FA2H: variants seen among roughly 807,000 people sequenced by gnomAD.
FA2H encodes the protein fatty acid 2-hydroxylase.
A neutral mutation model predicts 44.9 loss-of-function variants in FA2H; 22 were observed. That is an observed-to-expected ratio of 0.49 (90% CI 0.35 to 0.70). The LOEUF (loss-of-function observed/expected upper bound fraction) is 0.70. Ranked by LOEUF, FA2H falls within the 30% of genes least tolerant of loss-of-function variation. FA2H has a pLI of 0.01. For missense variants in FA2H, 501 were observed against 504.9 expected (o/e 0.99, Z 0.07); for synonymous variants, 243 against 213.2 (o/e 1.14, Z -1.22).
intron 2 of FA2H, among the ~76,000 whole-genome samples, chr16:74,737,250 A>G (rs1281911455): frequency 1.3e-5 from 2 of 152,180 alleles, no homozygotes; most frequent in Non-Finnish European, 2.9e-5. Flanking sequence ...ACGTGTGTCC[A>G]GGAGCTGAGA....
intron 5 of FA2H, among the ~76,000 whole-genome samples, chr16:74,718,312 G>C (rs34130324): frequency 0.079 from 12,006 of 152,156 alleles, 614 homozygotes; most frequent in Non-Finnish European, 0.12. Context: ...AGACGGGCTG[G>C]GGAACAGCCT....
At chr16:74,769,168 T>C (rs539713511) in intron 1 of FA2H, among the ~76,000 whole-genome samples, 3 of 152,284 alleles carry the variant, frequency 2.0e-5, no homozygotes, top group African/African-American at 4.8e-5. Flanking sequence ...TCACAGCTTA[T>C]TGCAGGCTCA....
rs13329747 is a variant in FA2H at position 74,734,085 on chromosome 16, G to T, written c.363+5938C>A. ...GTCTCTTCCTTCCAGCTCGTTCCTG[G>T]TCCGGGCCCCATTTACTTCTTATGT... On this transcript the variant is annotated intron_variant, in intron 2 of 6. Transcript: ENST00000219368. Among the ~76,000 whole-genome samples, 744 of 152,232 alleles carry T rather than the reference G, an allele frequency of 4.9e-3. 5 individuals are homozygous for T. The highest frequency in any genetic ancestry group is 6.8e-3 in the Non-Finnish European group (460 of 68,012).
At chr16:74,742,119 A>C (rs1173431256) in intron 1 of FA2H, among the ~76,000 whole-genome samples, 2 of 152,022 alleles carry the variant, frequency 1.3e-5, no homozygotes, top group Non-Finnish European at 2.9e-5. Context: ...GGTCTTGCAA[A>C]TACCAGATGC....
At chr16:74,770,621 T>C (rs573566846) in intron 1 of FA2H, among the ~76,000 whole-genome samples, 1 of 152,312 alleles carries the variant, frequency 6.6e-6, no homozygotes, top group Admixed American at 6.5e-5. Flanking sequence ...TCCACCCACC[T>C]TGGCCTCCCA....
chr16:74,759,240 C>T (rs1380319147), intron 1 of FA2H, among the ~76,000 whole-genome samples: 3 of 152,264 alleles, frequency 2.0e-5, no homozygotes, highest in Non-Finnish European at 4.4e-5. Flanking sequence ...ACATACTACA[C>T]ACGTTTCATT....
chr16:74,721,638 G>C lies in FA2H; in HGVS notation c.614-2478C>G, dbSNP rs565022793. On this transcript the variant is annotated intron_variant, in intron 4 of 6. Transcript: ENST00000219368. ...TAACCTCTGCAAGACCCTAGACACA[G>C]CCTGATGGATGATCCCTGTGCATCT... Among the ~76,000 whole-genome samples, 180 of 152,294 alleles carry C rather than the reference G, an allele frequency of 1.2e-3. 1 individual carries two copies. Among genetic ancestry groups the C allele is most frequent in the African/African-American group, 4.2e-3 (173 of 41,542 alleles).
chr16:74,749,500 A>G (rs4985360), intron 1 of FA2H, among the ~76,000 whole-genome samples: 45,732 of 152,124 alleles, frequency 0.3, 7,260 homozygotes, highest in Middle Eastern at 0.36. Context: ...TCTCCAGCTC[A>G]GGTGTGTGGA....
intron 1 of FA2H, among the ~76,000 whole-genome samples, chr16:74,743,310 G>C (rs1962349968): frequency 6.6e-6 from 1 of 152,176 alleles, no homozygotes; most frequent in Admixed American, 6.5e-5. Flanking sequence ...CCATGTCCTG[G>C]TTCTAAGGTT....
At chr16:74,719,790 A>T (rs1471511909) in intron 4 of FA2H, among the ~76,000 whole-genome samples, 1 of 152,072 alleles carries the variant, frequency 6.6e-6, no homozygotes, top group African/African-American at 2.4e-5. Context: ...TCCCAGACTC[A>T]AGCAATTCTC....
intron 1 of FA2H, among the ~76,000 whole-genome samples, chr16:74,744,139 C>T (rs1309476229): frequency 6.6e-6 from 1 of 152,156 alleles, no homozygotes; most frequent in African/African-American, 2.4e-5. Context: ...ATCTGGGCCA[C>T]GTTTTCCAGA....
At chr16:74,771,829 T>C (rs1368034735) in intron 1 of FA2H, among the ~76,000 whole-genome samples, 1 of 152,054 alleles carries the variant, frequency 6.6e-6, no homozygotes, top group Non-Finnish European at 1.5e-5. Flanking sequence ...TGCAGCAGCA[T>C]CCTGCCTGAT....
chr16:74,728,913 G>A (rs1359570865), intron 2 of FA2H, among the ~76,000 whole-genome samples: 1 of 149,140 alleles, frequency 6.7e-6, no homozygotes, highest in African/African-American at 2.5e-5. Context: ...CTCCTGAGTA[G>A]CTGGGACTAC....
In FA2H at chr16:74,743,569, A is replaced by C. The variant is rs115892320; in HGVS notation, c.271-3454T>G. 5.0e-3 allele frequency among the ~76,000 whole-genome samples: 754 copies of C among 152,280 alleles called. 11 individuals are homozygous for C. The highest frequency in any genetic ancestry group is 0.017 in the African/African-American group (727 of 41,556). ...TCTCCAGAATTCCTCTGAATCATGG[A>C]CCAGCACCAGTCAAGGGCTGGAAGA... On this transcript the variant is annotated intron_variant, in intron 1 of 6. Coordinates refer to ENST00000219368, the MANE Select transcript of FA2H (RefSeq NM_024306.5).
At chr16:74,739,501 C>T (rs1293125862) in intron 2 of FA2H, among the ~76,000 whole-genome samples, 1 of 152,186 alleles carries the variant, frequency 6.6e-6, no homozygotes, top group East Asian at 1.9e-4. Context: ...AGGCACTGGC[C>T]TCTTGATGCC....
intron 2 of FA2H, among the ~76,000 whole-genome samples, chr16:74,738,156 C>T (rs1048277599): frequency 6.6e-6 from 1 of 152,102 alleles, no homozygotes; most frequent in Admixed American, 6.5e-5. Flanking sequence ...GGGCCCAGCC[C>T]TCGCCCTTCC....
intron 1 of FA2H, among the ~76,000 whole-genome samples, chr16:74,774,089 G>A (rs28615188): frequency 6.6e-6 from 1 of 152,014 alleles, no homozygotes; most frequent in African/African-American, 2.4e-5. Context: ...CAGAAACGGA[G>A]AGTGGTTGCA....
chr16:74,719,228 G>A (rs923346045), intron 4 of FA2H, 68 bp from the exon 5 acceptor site: 1 of 1,420,608 alleles, frequency 7.0e-7, no homozygotes, highest in African/African-American at 1.4e-5. Flanking sequence ...AGGTGTCCCT[G>A]CCTCACCATC....
chr16:74,716,884 G>A lies in FA2H; in HGVS notation c.787-285C>T, dbSNP rs143338264. ...GGCAGGATGGGTGGGGTGTGCTGGC[G>A]GCTCAGAGCCCATCTTATAGAGGCC... On this transcript the variant is annotated intron_variant, in intron 5 of 6. Coordinates refer to ENST00000219368, the MANE Select transcript of FA2H (RefSeq NM_024306.5). The A allele has an allele frequency of 1.1e-3, 505 of 472,054 alleles. 4 individuals carry two copies. The East Asian group carries it at 0.014, about 13-fold the overall frequency. The allele number at this position is 472,054 out of a possible 1,614,324, so 29.2% of individuals were successfully genotyped here.
Sources: gnomAD v4.1 joint callset for allele counts (sites outside exome capture counted in the v4.1 genomes callset) on GRCh38, gnomAD v4.1.1 for gene constraint, MANE v1.5 for transcripts, NCBI Gene and HGNC (gene_info 2026-07-23, HGNC 2026-07-21) for gene names.